Variants in ATR observed in about 807,000 individuals in gnomAD.
ATR encodes the protein ATR checkpoint kinase.
A neutral mutation model predicts 305.3 loss-of-function variants in ATR; 142 were observed. That is an observed-to-expected ratio of 0.47 (90% CI 0.41 to 0.53). The LOEUF (loss-of-function observed/expected upper bound fraction) is 0.53. Ranked by LOEUF, ATR falls within the 20% of genes least tolerant of loss-of-function variation. The pLI, the probability that ATR is intolerant of heterozygous loss-of-function variation, is 0.00. For missense variants in ATR, 2,135 were observed against 3,133.1 expected (o/e 0.68, Z 7.60); for synonymous variants, 1,050 against 1,068.1 (o/e 0.98, Z 0.33).
chr3:142,577,125 T>C (rs543238017), intron 1 of ATR, among the ~76,000 whole-genome samples: 2 of 152,346 alleles, frequency 1.3e-5, no homozygotes, highest in South Asian at 2.1e-4. Context: ...TTCAAGTAGT[T>C]GTAATGAAAA....
At chr3:142,476,956 CTT>C (rs1181731874) in intron 36 of ATR, among the ~76,000 whole-genome samples, 1 of 152,136 alleles carries the variant, frequency 6.6e-6, no homozygotes, top group African/African-American at 2.4e-5. Flanking sequence ...TATCCTGAGA[CTT>C]TGGTGAAGTT....
At chr3:142,564,256 T>C (rs2034984724) in intron 3 of ATR, among the ~76,000 whole-genome samples, 1 of 152,224 alleles carries the variant, frequency 6.6e-6, no homozygotes, top group Non-Finnish European at 1.5e-5. Flanking sequence ...ATATTCACTT[T>C]ATTGTAGTGG....
chr3:142,466,305 A>T lies in ATR; in HGVS notation c.6897+19T>A. ...ACAACTAAATTTTAAAATCATAGTCATATAAAACTGAAGTTTACCATATCA... is the reference window on the plus strand; with the variant it reads ...ACAACTAAATTTTAAAATCATAGTCTTATAAAACTGAAGTTTACCATATCA... On this transcript the variant is annotated intron_variant, in intron 40 of 46. Transcript: ENST00000350721. 1 of 1,599,620 alleles carries T rather than the reference A, an allele frequency of 6.3e-7. No homozygotes were observed. Among genetic ancestry groups the T allele is most frequent in the Non-Finnish European group, 8.6e-7 (1 of 1,166,886 alleles).
At chr3:142,450,947 A>G in intron 46 of ATR, 1 of 1,209,008 alleles carries the variant, frequency 8.3e-7, no homozygotes, top group Non-Finnish European at 1.0e-6. Flanking sequence ...ACCTCAGAAA[A>G]GAAAAACCCT....
At chr3:142,543,623 C>T (rs2034145838) in intron 16 of ATR, among the ~76,000 whole-genome samples, 1 of 151,322 alleles carries the variant, frequency 6.6e-6, no homozygotes, top group Admixed American at 6.6e-5. Flanking sequence ...TTCCTTCCTT[C>T]CTTTCTATTT....
chr3:142,499,866 A>G, intron 30 of ATR, 148 bp from the exon 31 acceptor site: 1 of 664,674 alleles, frequency 1.5e-6, no homozygotes, highest in Non-Finnish European at 2.5e-6. Context: ...AATTATCTCT[A>G]TCCAGAAACT....
intron 18 of ATR, among the ~76,000 whole-genome samples, chr3:142,539,361 T>C (rs554781235): frequency 6.6e-6 from 1 of 152,206 alleles, no homozygotes; most frequent in South Asian, 2.1e-4. Context: ...AAGCAGAGAA[T>C]CTATAAGAGA....
chr3:142,452,019 A>C (rs1231373873), intron 46 of ATR: 1 of 1,028,606 alleles, frequency 9.7e-7, no homozygotes, highest in African/African-American at 1.7e-5. Context: ...GAATTTTTCC[A>C]CAATTCTGGA....
At chr3:142,498,857 C>T (rs2031793070) in intron 31 of ATR, 83 bp from the exon 32 acceptor site, 14 of 1,361,280 alleles carry the variant, frequency 1.0e-5, no homozygotes, top group South Asian at 8.6e-5. Context: ...AAATGGTCAG[C>T]TGAAATATCA....
chr3:142,511,249 C>T (rs1017850209), intron 27 of ATR, among the ~76,000 whole-genome samples: 2 of 152,014 alleles, frequency 1.3e-5, no homozygotes, highest in African/African-American at 4.8e-5. Context: ...AATATGTTAA[C>T]AGGGAGGATT....
intron 21 of ATR, among the ~76,000 whole-genome samples, chr3:142,532,865 G>C (rs1412517688): frequency 1.3e-5 from 2 of 152,098 alleles, no homozygotes; most frequent in Admixed American, 1.3e-4. Flanking sequence ...GGACTCTTAA[G>C]AGTACTGACT....
chr3:142,549,159 A>G (rs1398058274), intron 15 of ATR, among the ~76,000 whole-genome samples: 1 of 152,208 alleles, frequency 6.6e-6, no homozygotes, highest in Non-Finnish European at 1.5e-5. Flanking sequence ...GCCTCTTCCT[A>G]TGGATATAAT....
rs531083560 is a variant in ATR at position 142,512,993 on chromosome 3, A to C, written c.4641+508T>G. Among the ~76,000 whole-genome samples the C allele has an allele frequency of 2.6e-5, 4 of 152,358 alleles. No individual in the cohort carries two copies. In the East Asian group the frequency reaches 7.7e-4, roughly 29 times the overall value. ...AATTTTAAAAATTTTAAAATATTCT[A>C]GATTATTCAATAAATGATAATGAAA... On this transcript the variant is annotated intron_variant, in intron 26 of 46. Coordinates refer to ENST00000350721, the MANE Select transcript of ATR (RefSeq NM_001184.4).
intron 36 of ATR, among the ~76,000 whole-genome samples, chr3:142,484,006 A>G (rs1402593972): frequency 6.6e-6 from 1 of 152,060 alleles, no homozygotes; most frequent in African/African-American, 2.4e-5. Flanking sequence ...TTAAAAATCC[A>G]GGCTGTGGAA....
chr3:142,553,201 T>A, intron 13 of ATR, 26 bp downstream of exon 13: 1 of 1,611,184 alleles, frequency 6.2e-7, no homozygotes, highest in Non-Finnish European at 8.5e-7. Flanking sequence ...CTGTTGCCTA[T>A]AGTCCAGACA....
intron 29 of ATR, among the ~76,000 whole-genome samples, chr3:142,503,789 AAAGTAACATAAATAAAT>A (rs1487484730): frequency 6.6e-6 from 1 of 152,214 alleles, no homozygotes; most frequent in Non-Finnish European, 1.5e-5. Context: ...TAACACATTT[AAAGTAACATAAATAAAT>A]GTAGACAACA....
In ATR at chr3:142,524,077, T is replaced by G. The variant is rs534071055; in HGVS notation, c.4068A>C (p.Glu1356Asp). ...ANSQARLLCG[E>D]CLGELGAIDP... ...CTATCGCCCCCAATTCCCCTAAACA[T>G]TCCCCACAGAGCAACCGAGCTTGAG... The change falls in exon 22 of 47, where the codon GAA becomes GAC. Residue 1356 changes from glutamate to aspartate, a missense_variant. Glu to Asp is a conservative substitution (Grantham distance 45). This residue lies in a region of ATR where 530 missense variants were observed against 766.8 expected (regional missense o/e 0.69). Transcript: ENST00000350721. 10 of 1,614,060 alleles carry G rather than the reference T, an allele frequency of 6.2e-6. No homozygotes were observed. The highest frequency in any genetic ancestry group is 8.5e-6 in the Non-Finnish European group (10 of 1,179,976).
At chr3:142,539,135 T>C (rs2033964658) in intron 18 of ATR, among the ~76,000 whole-genome samples, 2 of 152,174 alleles carry the variant, frequency 1.3e-5, no homozygotes, top group Non-Finnish European at 2.9e-5. Flanking sequence ...AAATAAGTAC[T>C]TCACGTGATT....
chr3:142,492,562 CT>C (rs1038740261), intron 35 of ATR, among the ~76,000 whole-genome samples: 39 of 152,168 alleles, frequency 2.6e-4, no homozygotes, highest in African/African-American at 8.4e-4. Flanking sequence ...TCTCTCCCTA[CT>C]TTTTTAGTTC....
Sources: allele counts gnomAD v4.1 joint callset (sites outside exome capture counted in the v4.1 genomes callset), GRCh38; gene constraint gnomAD v4.1.1; regional missense constraint gnomAD v4.1.1; transcripts MANE v1.5; gene names NCBI Gene and HGNC (gene_info 2026-07-23, HGNC 2026-07-21).